LPAR4: variants seen among roughly 807,000 people sequenced by gnomAD.
LPAR4 encodes the protein G-protein coupled receptor 23.
A neutral mutation model predicts 9.2 loss-of-function variants in LPAR4; 14 were observed. The ratio of observed to expected loss-of-function variants is 1.51; its 90% CI spans 1.00 to 2.37. The LOEUF is 2.37. Ranked by LOEUF, LPAR4 falls within the 30% of genes most tolerant of loss-of-function variation. LPAR4 has a pLI of 0.00. For missense variants in LPAR4, 251 were observed against 272.1 expected, an observed-to-expected ratio of 0.92 and a Z score of 0.55; for synonymous variants, 131 against 97.9, an observed-to-expected ratio of 1.34 and a Z score of -1.99.
intron 1 of LPAR4, 112 bp from the exon 2 acceptor site, chrX:78,750,062 A>C (rs1366006585): frequency 8.9e-6 from 1 of 112,012 alleles, no homozygotes; most frequent in Non-Finnish European, 1.9e-5. Context: ...TTTGAATAAA[A>C]GGTTTTTTGT....
chrX:78,755,612 T>C lies in LPAR4; in HGVS notation c.743T>C (p.Leu248Pro). 1 of 1,211,009 alleles carries C rather than the reference T, an allele frequency of 8.3e-7. No homozygotes were observed. The highest frequency in any genetic ancestry group is 1.1e-6 in the Non-Finnish European group (1 of 895,012). Residue 248 changes from leucine (L) to proline (P), a missense_variant, in exon 5 of 5, where the codon CTG (leucine) becomes CCG (proline). Physicochemically the swap from Leu to Pro is moderately conservative, Grantham distance 98. Transcript: ENST00000614823. Reference protein sequence around the residue: ...SQIGTNKKKVLKMITVHMAVF... With the variant: ...SQIGTNKKKVPKMITVHMAVF... ...ATTGGGACCAATAAGAAAAAAGTAC[T>C]GAAAATGATCACAGTACATATGGCA...
rs1170566681 is a variant in LPAR4 at position 78,758,332 on chromosome X, C to T, written c.*2350C>T. On this transcript the variant is annotated 3_prime_UTR_variant, in exon 5 of 5. Coordinates refer to ENST00000614823, the MANE Select transcript of LPAR4 (RefSeq NM_001278000.3). Reference sequence around the variant, plus strand: ...GTTTCTTTCAGTATTCATGTTTTTCCATTTCTTGTTAAGTATAAAATATAT... The same window carrying T: ...GTTTCTTTCAGTATTCATGTTTTTCTATTTCTTGTTAAGTATAAAATATAT... 6.3e-5 allele frequency among the ~76,000 whole-genome samples: 7 copies of T among 111,176 alleles called. No homozygotes were observed. In the Admixed American group the frequency reaches 6.7e-4, roughly 11 times the overall value.
At chrX:78,753,781 G>A (rs958058227) in intron 4 of LPAR4, among the ~76,000 whole-genome samples, 1 of 111,790 alleles carries the variant, frequency 8.9e-6, no homozygotes, top group Non-Finnish European at 1.9e-5. Flanking sequence ...GTGAACCAGT[G>A]TCTGAGTCAG....
intron 4 of LPAR4, among the ~76,000 whole-genome samples, chrX:78,752,197 T>C (rs1217707761): frequency 8.9e-6 from 1 of 111,740 alleles, no homozygotes; most frequent in East Asian, 2.8e-4. Context: ...TAAAAGAGGT[T>C]GATTTAGATC....
Position 78,757,338 on chromosome X carries a change from CAAACA to C in LPAR4, c.*1363_*1367del, listed in dbSNP as rs2147508669. On this transcript the variant is annotated 3_prime_UTR_variant, in exon 5 of 5. Coordinates refer to ENST00000614823, the MANE Select transcript of LPAR4 (RefSeq NM_001278000.3). ...GGTCAAAAATCAAACTGCGATAAAA[CAAACA>C]AAACAAGCACAAACAAAATTTAGAA... 1.8e-5 allele frequency among the ~76,000 whole-genome samples: 2 copies of C among 111,212 alleles called. No homozygotes were observed. The highest frequency in any genetic ancestry group is 5.6e-4 in the East Asian group (2 of 3,549).
intron 3 of LPAR4, 146 bp downstream of exon 3, chrX:78,750,938 C>T (rs1330703498): frequency 9.0e-6 from 1 of 110,795 alleles, no homozygotes; most frequent in Non-Finnish European, 1.9e-5. Context: ...GGATTTTATG[C>T]ACTAGTGTTT....
intron 4 of LPAR4, among the ~76,000 whole-genome samples, chrX:78,752,292 A>T (rs1925097005): frequency 8.9e-6 from 1 of 111,922 alleles, no homozygotes; most frequent in Non-Finnish European, 1.9e-5. Flanking sequence ...TTGTTTCAAA[A>T]ACTATTATGA....
chrX:78,750,026 A>T (rs1924987723), intron 1 of LPAR4, 148 bp from the exon 2 acceptor site: 2 of 111,848 alleles, frequency 1.8e-5, no homozygotes. Context: ...ACTTCTGGGT[A>T]TTTGAACTTC....
chrX:78,755,111 T>C lies in LPAR4; in HGVS notation c.242T>C (p.Leu81Pro). 1 of 1,210,825 alleles carries C rather than the reference T, an allele frequency of 8.3e-7. No homozygotes were observed. The highest frequency in any genetic ancestry group is 1.1e-6 in the Non-Finnish European group (1 of 894,742). ...GAGACTGCTATTTTTATCACCAATCTAGCTGTCTCTGATTTGCTTTTTGTC... is the reference window on the plus strand; with the variant it reads ...GAGACTGCTATTTTTATCACCAATCCAGCTGTCTCTGATTTGCTTTTTGTC... Reference protein sequence around the residue: ...RSETAIFITNLAVSDLLFVCT... With the variant: ...RSETAIFITNPAVSDLLFVCT... Residue 81 changes from leucine (L) to proline (P), a missense_variant, in exon 5 of 5, where the codon CTA becomes CCA. Physicochemically the swap from Leu to Pro is moderately conservative, Grantham distance 98. Transcript: ENST00000614823.
rs992005874 is a variant in LPAR4, at chrX:78,757,018, G to A, written c.*1036G>A. 2 of 119,324 alleles carry A rather than the reference G, an allele frequency of 1.7e-5. No individual in the cohort carries two copies. Among genetic ancestry groups the A allele is most frequent in the Non-Finnish European group, 1.9e-5 (1 of 52,263 alleles). 9.8% of individuals were successfully genotyped at this position (119,324 alleles called of 1,213,427 possible). On this transcript the variant is annotated 3_prime_UTR_variant, in exon 5 of 5. Coordinates refer to ENST00000614823, the MANE Select transcript of LPAR4 (RefSeq NM_001278000.3). ...CTGAAAATACTTATTCTTTCTTATC[G>A]AATTTTGGAGCCTAATATAGCCAGG...
At position 78,755,404 on chromosome X, in the gene LPAR4, A is replaced by G; in HGVS notation, c.535A>G (p.Thr179Ala). The G allele has an allele frequency of 8.3e-7, 1 of 1,209,782 alleles. No individual in the cohort carries two copies. The highest frequency in any genetic ancestry group is 3.0e-5 in the East Asian group (1 of 33,803). Residue 179 changes from threonine (T) to alanine (A), a missense_variant, in exon 5 of 5, where the codon ACT (threonine) becomes GCT (alanine). Coordinates refer to ENST00000614823, the MANE Select transcript of LPAR4 (RefSeq NM_001278000.3). ...GGISASLFSTTNVNNATTTCF... is the reference protein window; with the variant it reads ...GGISASLFSTANVNNATTTCF... ...TATTTCAGCCTCTTTGTTTTCCACCACTAATGTCAACAATGCAACCACCAC... is the reference window on the plus strand; with the variant it reads ...TATTTCAGCCTCTTTGTTTTCCACCGCTAATGTCAACAATGCAACCACCAC...
intron 4 of LPAR4, among the ~76,000 whole-genome samples, chrX:78,753,318 A>G (rs1223699806): frequency 8.9e-6 from 1 of 112,178 alleles, no homozygotes; most frequent in Non-Finnish European, 1.9e-5. Context: ...CTTTTAGTCA[A>G]AAGAAAGGAA....
At chrX:78,751,858 A>T (rs183825747) in intron 4 of LPAR4, among the ~76,000 whole-genome samples, 66 of 111,244 alleles carry the variant, frequency 5.9e-4, no homozygotes, top group Non-Finnish European at 1.2e-3. Flanking sequence ...TCTGTAACTA[A>T]GTACTAGGGA....
chrX:78,755,131 T>C lies in LPAR4; in HGVS notation c.262T>C (p.Phe88Leu), dbSNP rs774642352. ...ITNLAVSDLL[F>L]VCTLPFKIFY... ...CAATCTAGCTGTCTCTGATTTGCTT[T>C]TTGTCTGTACACTACCTTTTAAAAT... The change falls in exon 5 of 5, where the codon TTT becomes CTT. Residue 88 changes from phenylalanine to leucine, a missense_variant. By Grantham distance (22) the Phe-to-Leu change is conservative. Coordinates refer to ENST00000614823, the MANE Select transcript of LPAR4 (RefSeq NM_001278000.3). 3.8e-5 allele frequency: 46 copies of C among 1,211,202 alleles called. No individual in the cohort carries two copies. Among genetic ancestry groups the C allele is most frequent in the Non-Finnish European group, 5.1e-5 (46 of 895,131 alleles).
chrX:78,755,395 T>G lies in LPAR4; in HGVS notation c.526T>G (p.Phe176Val). 8.3e-7 allele frequency: 1 copy of G among 1,210,742 alleles called. No homozygotes were observed. ...CAGTGGCGGTATTTCAGCCTCTTTG[T>G]TTTCCACCACTAATGTCAACAATGC... ...VLSGGISASL[F>V]STTNVNNATT... Residue 176 changes from phenylalanine to valine, a missense_variant, in exon 5 of 5, where the codon TTT (phenylalanine) becomes GTT (valine). Phe to Val is a conservative substitution (Grantham distance 50, BLOSUM62 -1). Coordinates refer to ENST00000614823, the MANE Select transcript of LPAR4 (RefSeq NM_001278000.3).
Position 78,758,509 on chromosome X carries a change from A to G in LPAR4, c.*2527A>G, listed in dbSNP as rs1175783665. ...CCATGTTTAGTTTTAATTTTTTTAT[A>G]TTTCACTTCTCAAATTTCCATTTTT... On this transcript the variant is annotated 3_prime_UTR_variant, in exon 5 of 5. Coordinates refer to ENST00000614823, the MANE Select transcript of LPAR4 (RefSeq NM_001278000.3). 2.7e-5 allele frequency among the ~76,000 whole-genome samples: 3 copies of G among 111,369 alleles called. No homozygotes were observed. The highest frequency in any genetic ancestry group is 5.7e-5 in the Non-Finnish European group (3 of 52,915).
At position 78,755,911 on chromosome X, in the gene LPAR4, G is replaced by T. The variant is rs1925274766; in HGVS notation, c.1042G>T (p.Ala348Ser). ...TPLTTKPSLP[A>S]IQEEVSDQTT... is the part of the protein sequence containing the mutation. ...TTTGACCACAAAGCCTTCCCTTCCAGCTATTCAAGAGGAAGTGAGTGATCA... is the reference window on the plus strand; with the variant it reads ...TTTGACCACAAAGCCTTCCCTTCCATCTATTCAAGAGGAAGTGAGTGATCA... The change falls in exon 5 of 5, where the codon GCT becomes TCT. Residue 348 changes from alanine (A) to serine (S), a missense_variant. Ala to Ser is a moderately conservative substitution (Grantham distance 99). Coordinates refer to ENST00000614823, the MANE Select transcript of LPAR4 (RefSeq NM_001278000.3). 2 of 1,206,761 alleles carry T rather than the reference G, an allele frequency of 1.7e-6. No individual in the cohort carries two copies.
chrX:78,754,757 A>G (rs1464154203), intron 4 of LPAR4, 34 bp from the exon 5 acceptor site: 2 of 621,623 alleles, frequency 3.2e-6, no homozygotes, highest in African/African-American at 2.3e-5. Context: ...ATGGAAGGCA[A>G]ATTTGATTAT....
intron 4 of LPAR4, among the ~76,000 whole-genome samples, chrX:78,754,428 T>C (rs954374177): frequency 3.6e-5 from 4 of 111,699 alleles, no homozygotes; most frequent in African/African-American, 9.7e-5. Context: ...GCAGTACTTA[T>C]TGTAGAAGAT....
Sources: gnomAD v4.1 joint callset for allele counts (sites outside exome capture counted in the v4.1 genomes callset) on GRCh38, gnomAD v4.1.1 for gene constraint, MANE v1.5 for transcripts, NCBI Gene and HGNC (gene_info 2026-07-23, HGNC 2026-07-21) for gene names.